The following PDZRN4 variants were observed in gnomAD, a reference collection of about 807,000 sequenced individuals.
PDZRN4 encodes PDZ domain containing ring finger 4.
A neutral mutation model predicts 99.0 loss-of-function variants in PDZRN4; 70 were observed. The observed-to-expected ratio is 0.71, with a 90% CI of 0.58 to 0.86. The LOEUF is 0.86. Among genes scored for constraint, PDZRN4 ranks in the 40% least tolerant of loss-of-function variants. The pLI, the probability that PDZRN4 is intolerant of heterozygous loss-of-function variation, is 0.00. For missense variants in PDZRN4, 1,474 were observed against 1,331.2 expected, an observed-to-expected ratio of 1.11 and a Z score of -1.67; for synonymous variants, 551 against 501.6, an observed-to-expected ratio of 1.10 and a Z score of -1.32.
intron 3 of PDZRN4, among the ~76,000 whole-genome samples, chr12:41,395,417 T>G (rs575763525): frequency 6.6e-6 from 1 of 152,250 alleles, no homozygotes; most frequent in Admixed American, 6.5e-5. Flanking sequence ...TGGGAATGAT[T>G]TTTTCATGGA....
At chr12:41,294,388 TAAG>T (rs1210975481) in intron 3 of PDZRN4, among the ~76,000 whole-genome samples, 1 of 152,134 alleles carries the variant, frequency 6.6e-6, no homozygotes. Flanking sequence ...GCCTCTTTCT[TAAG>T]AAGAGATTAA....
intron 3 of PDZRN4, among the ~76,000 whole-genome samples, chr12:41,348,974 T>TCA (rs1951873425): frequency 6.6e-6 from 1 of 152,016 alleles, no homozygotes; most frequent in African/African-American, 2.4e-5. Flanking sequence ...CATATAAATA[T>TCA]TTTATTCTTG....
chr12:41,298,093 C>CT (rs1372343328), intron 3 of PDZRN4, among the ~76,000 whole-genome samples: 1 of 152,080 alleles, frequency 6.6e-6, no homozygotes, highest in Non-Finnish European at 1.5e-5. Context: ...ATTTTCTAGT[C>CT]TAAACCTATG....
At chr12:41,332,510 G>A (rs1312558843) in intron 3 of PDZRN4, among the ~76,000 whole-genome samples, 1 of 151,974 alleles carries the variant, frequency 6.6e-6, no homozygotes, top group Non-Finnish European at 1.5e-5. Flanking sequence ...GTCATCAGGA[G>A]AAAGGATATG....
intron 3 of PDZRN4, among the ~76,000 whole-genome samples, chr12:41,320,745 A>T (rs900981537): frequency 5.0e-5 from 1 of 19,866 alleles, no homozygotes; most frequent in Admixed American, 1.6e-3. Flanking sequence ...AATACAGAGA[A>T]AAAAAATCTC....
At chr12:41,472,107 G>A (rs1397585032) in intron 3 of PDZRN4, among the ~76,000 whole-genome samples, 5 of 151,574 alleles carry the variant, frequency 3.3e-5, no homozygotes, top group Non-Finnish European at 4.4e-5. Context: ...AGGTTCAAGC[G>A]ATTCTCCTGC....
chr12:41,407,730 G>A (rs963061569), intron 3 of PDZRN4, among the ~76,000 whole-genome samples: 1 of 151,630 alleles, frequency 6.6e-6, no homozygotes, highest in Non-Finnish European at 1.5e-5. Context: ...AAAAACAAAT[G>A]GCATATTAAT....
At chr12:41,260,126 C>T (rs1339655215) in intron 3 of PDZRN4, among the ~76,000 whole-genome samples, 1 of 152,264 alleles carries the variant, frequency 6.6e-6, no homozygotes, top group East Asian at 1.9e-4. Context: ...ATTCACATTT[C>T]AAAAGTAAGA....
At chr12:41,394,445 T>C (rs1952232038) in intron 3 of PDZRN4, among the ~76,000 whole-genome samples, 1 of 152,154 alleles carries the variant, frequency 6.6e-6, no homozygotes, top group East Asian at 1.9e-4. Context: ...TTACAGTGCA[T>C]TAAGTTTCAA....
intron 5 of PDZRN4, among the ~76,000 whole-genome samples, chr12:41,512,246 G>A (rs867469281): frequency 6.6e-6 from 1 of 152,088 alleles, no homozygotes; most frequent in Non-Finnish European, 1.5e-5. Context: ...GGATTAGGAA[G>A]CTCCTGCCCC....
intron 3 of PDZRN4, among the ~76,000 whole-genome samples, chr12:41,209,300 G>A (rs866137655): frequency 2.6e-5 from 4 of 151,366 alleles, no homozygotes; most frequent in Middle Eastern, 3.4e-3. Flanking sequence ...TTATCCATAA[G>A]CACAATGTCA....
intron 3 of PDZRN4, among the ~76,000 whole-genome samples, chr12:41,270,286 GGT>G (rs35708361): frequency 2.1e-5 from 3 of 145,446 alleles, no homozygotes; most frequent in African/African-American, 8.1e-5. Context: ...CTGTGTGTGT[GGT>G]GTGTGTGTGT....
intron 3 of PDZRN4, among the ~76,000 whole-genome samples, chr12:41,426,098 G>A (rs1406025816): frequency 6.6e-6 from 1 of 152,184 alleles, no homozygotes; most frequent in Non-Finnish European, 1.5e-5. Flanking sequence ...AATGTATAAT[G>A]CTTCTTAGTT....
rs147693138 is a variant in PDZRN4 at position 41,466,479 on chromosome 12, T to C, written c.844-39977T>C. Among the ~76,000 whole-genome samples the C allele has an allele frequency of 3.6e-3, 548 of 152,304 alleles. 2 individuals are homozygous for C. Among genetic ancestry groups the C allele is most frequent in the African/African-American group, 0.012 (516 of 41,562 alleles). On this transcript the variant is annotated intron_variant, in intron 3 of 9. Coordinates refer to ENST00000402685, the MANE Select transcript of PDZRN4 (RefSeq NM_001164595.2). ...GAACTCAGTTAAGCTGTGTTAGTTG[T>C]AATGAAAAAGAGCCCCCTGTGCCTG...
intron 3 of PDZRN4, among the ~76,000 whole-genome samples, chr12:41,431,432 C>A (rs1392666776): frequency 6.6e-6 from 1 of 152,152 alleles, no homozygotes. Context: ...GAGACTTGAC[C>A]CAGGGCACAC....
intron 5 of PDZRN4, among the ~76,000 whole-genome samples, chr12:41,535,504 T>A (rs1259286467): frequency 6.6e-6 from 1 of 151,924 alleles, no homozygotes; most frequent in East Asian, 1.9e-4. Flanking sequence ...CAAGTGAGAC[T>A]TTTTTCCTTT....
chr12:41,314,304 T>A (rs556553954), intron 3 of PDZRN4, among the ~76,000 whole-genome samples: 17 of 152,318 alleles, frequency 1.1e-4, no homozygotes, highest in African/African-American at 4.1e-4. Flanking sequence ...TCCAACCCTA[T>A]ATTTTTCCCT....
chr12:41,573,475 G>A lies in PDZRN4; in HGVS notation c.2696G>A (p.Arg899Gln), dbSNP rs1471240360. Reference protein sequence around the residue: ...WKVKIRSDGTRYITKRPVRDR... With the variant: ...WKVKIRSDGTQYITKRPVRDR... ...GTGAAAATTAGGAGCGACGGGACAC[G>A]GTACATCACAAAGAGACCCGTGCGA... Residue 899 changes from arginine (R) to glutamine (Q), a missense_variant, in exon 10 of 10, where the codon CGG (arginine) becomes CAG (glutamine). Coordinates refer to ENST00000402685, the MANE Select transcript of PDZRN4 (RefSeq NM_001164595.2). 4 of 1,613,812 alleles carry A rather than the reference G, an allele frequency of 2.5e-6. No homozygotes were observed. Among genetic ancestry groups the A allele is most frequent in the African/African-American group, 2.7e-5 (2 of 74,864 alleles).
intron 3 of PDZRN4, among the ~76,000 whole-genome samples, chr12:41,204,087 A>C (rs1950833465): frequency 6.6e-6 from 1 of 152,030 alleles, no homozygotes; most frequent in Non-Finnish European, 1.5e-5. Context: ...AGTATCTTGA[A>C]CATTTTCCCT....
Sources: gnomAD v4.1 joint callset for allele counts (sites outside exome capture counted in the v4.1 genomes callset) on GRCh38, gnomAD v4.1.1 for gene constraint, MANE v1.5 for transcripts, NCBI Gene and HGNC (gene_info 2026-07-23, HGNC 2026-07-21) for gene names.